CARD14: variants seen among roughly 807,000 people sequenced by gnomAD.
CARD14 encodes caspase recruitment domain family member 14, also known as caspase recruitment domain-containing protein 14.
A neutral mutation model predicts 111.5 loss-of-function variants in CARD14; 107 were observed. The ratio of observed to expected loss-of-function variants is 0.96; its 90% confidence interval spans 0.82 to 1.13. The LOEUF (loss-of-function observed/expected upper bound fraction) is 1.13. CARD14 is among the 50% of genes most tolerant of loss of function. The pLI is 0.00. For synonymous variants in CARD14, 617 were observed against 579.6 expected (o/e 1.06, Z -0.93); for missense variants, 1,322 against 1,362.3 (o/e 0.97, Z 0.47).
chr17:80,181,604 G>A lies in CARD14; in HGVS notation c.166G>A (p.Glu56Lys). The A allele has an allele frequency of 6.4e-7, 1 of 1,557,910 alleles. No individual in the cohort carries two copies. Among genetic ancestry groups the A allele is most frequent in the African/African-American group, 1.4e-5 (1 of 73,416 alleles). ...AKVLCQLDEEEVLHSPRLTNS... is the reference protein window; with the variant it reads ...AKVLCQLDEEKVLHSPRLTNS... ...GGTGCTGTGCCAGCTGGACGAGGAG[G>A]AGGTGCTGCACAGCCCCCGGCTCAC... is the stretch of plus-strand genomic sequence containing the variant. The change falls in exon 5 of 24, where the codon GAG (glutamate) becomes AAG (lysine). Residue 56 changes from glutamate (E) to lysine (K), a missense_variant. Coordinates refer to ENST00000648509, the MANE Select transcript of CARD14 (RefSeq NM_001366385.1).
At chr17:80,194,414 C>T (rs751212656) in intron 12 of CARD14, among the ~76,000 whole-genome samples, 16 of 152,220 alleles carry the variant, frequency 1.1e-4, no homozygotes, top group Non-Finnish European at 2.1e-4. Context: ...AGACCTACCC[C>T]ACACATCTGG....
chr17:80,182,863 C>T lies in CARD14; in HGVS notation c.349+73C>T, dbSNP rs543268620. ...AGGCTCCTGGTAACCCCAGGTGCCC[C>T]GCTTACTTGCCGATTTGCCCTACTC... On this transcript the variant is annotated intron_variant, in intron 6 of 23. Coordinates refer to ENST00000648509, the MANE Select transcript of CARD14 (RefSeq NM_001366385.1). This position sits in a 1 kb window ranked among gnomAD's most constrained non-coding sequence, Gnocchi z 4.7. The T allele has an allele frequency of 1.9e-5, 30 of 1,570,390 alleles. 1 individual carries two copies. The highest frequency in any genetic ancestry group is 1.4e-4 in the South Asian group (12 of 88,202).
intron 4 of CARD14, among the ~76,000 whole-genome samples, chr17:80,179,921 C>T (rs147034279): frequency 1.2e-3 from 185 of 152,292 alleles, no homozygotes; most frequent in African/African-American, 4.2e-3. Context: ...CCATCTGCCT[C>T]GCATTTCCTT....
chr17:80,183,772 TC>T, intron 6 of CARD14, 140 bp from the exon 7 acceptor site: 1 of 445,720 alleles, frequency 2.2e-6, no homozygotes, highest in Non-Finnish European at 3.7e-6. Flanking sequence ...GCCCACATGC[TC>T]ACCCGCCCAC....
chr17:80,172,869 A>ATTTTTTTTTTTTT (rs1265606234), intron 1 of CARD14, 37 bp from the exon 2 acceptor site: 1 of 94,464 alleles, frequency 1.1e-5, no homozygotes, highest in Non-Finnish European at 2.4e-5. Context: ...TATTCTAAAC[A>ATTTTTTTTTTTTT]TTCTTTTTTT....
At chr17:80,205,487 C>A in intron 21 of CARD14, 44 bp from the exon 22 acceptor site, 1 of 1,566,212 alleles carries the variant, frequency 6.4e-7, no homozygotes, top group East Asian at 2.4e-5. Context: ...CCCCAGACCC[C>A]CACACAGCTG....
intron 20 of CARD14, chr17:80,204,666 G>A: frequency 2.6e-6 from 1 of 386,152 alleles, no homozygotes; most frequent in Non-Finnish European, 4.7e-6. Flanking sequence ...CAGGACAGAG[G>A]GAGGGCTAGG....
intron 2 of CARD14, among the ~76,000 whole-genome samples, chr17:80,175,648 G>A (rs1037523679): frequency 1.3e-5 from 2 of 152,170 alleles, no homozygotes; most frequent in Admixed American, 6.5e-5. Context: ...CCCAGAGCAC[G>A]TGCTCCTGCC....
intron 2 of CARD14, among the ~76,000 whole-genome samples, chr17:80,176,795 G>A (rs185354428): frequency 1.2e-3 from 177 of 152,296 alleles, no homozygotes; most frequent in African/African-American, 4.2e-3. Context: ...CCTGAAGTGG[G>A]GCAGAGGATC....
At chr17:80,199,162 G>A (rs577380444) in intron 16 of CARD14, among the ~76,000 whole-genome samples, 13 of 152,044 alleles carry the variant, frequency 8.6e-5, no homozygotes, top group South Asian at 2.1e-4. Context: ...TTGTTGTTAC[G>A]AAACGCACAA....
rs1187440153 is a variant in CARD14 at position 80,198,185 on chromosome 17, C to T, written c.1658+23C>T. The T allele has an allele frequency of 6.2e-7, 1 of 1,613,028 alleles. No individual in the cohort carries two copies. Among genetic ancestry groups the T allele is most frequent in the Non-Finnish European group, 8.5e-7 (1 of 1,179,436 alleles). On this transcript the variant is annotated intron_variant, in intron 15 of 23. Coordinates refer to ENST00000648509, the MANE Select transcript of CARD14 (RefSeq NM_001366385.1). The surrounding 1 kb of genome is among the most constrained non-coding windows in gnomAD (Gnocchi z 7.5). ...GAGGTAAGCAGCAGGTGGGAATCCTCCGAGGCTGGCTGGGGAACCAGGGCC... is the reference window on the plus strand; with the variant it reads ...GAGGTAAGCAGCAGGTGGGAATCCTTCGAGGCTGGCTGGGGAACCAGGGCC...
chr17:80,184,956 G>A (rs2040296233), intron 7 of CARD14, among the ~76,000 whole-genome samples: 1 of 152,214 alleles, frequency 6.6e-6, no homozygotes, highest in Admixed American at 6.5e-5. Flanking sequence ...CTTTTCTTTG[G>A]GGAGGATGAT....
chr17:80,188,290 T>C lies in CARD14; in HGVS notation c.676-87T>C. On this transcript the variant is annotated intron_variant, in intron 7 of 23. Transcript: ENST00000648509. The surrounding 1 kb of genome is among the most constrained non-coding windows in gnomAD (Gnocchi z 4.5). ...GCCCCCTGAGTGCTAAAAGCATCAT[T>C]AGGAGGAAGGGTGAGAAATGCCCCC... 7.3e-7 allele frequency: 1 copy of C among 1,368,278 alleles called. No individual in the cohort carries two copies. Among genetic ancestry groups the C allele is most frequent in the Non-Finnish European group, 9.7e-7 (1 of 1,025,786 alleles). The allele number at this position is 1,368,278 out of a possible 1,614,324, so 84.8% of individuals were successfully genotyped here.
intron 7 of CARD14, among the ~76,000 whole-genome samples, chr17:80,187,366 G>A (rs983163199): frequency 1.3e-5 from 2 of 152,238 alleles, no homozygotes; most frequent in African/African-American, 4.8e-5. Context: ...GTGTTTGTGA[G>A]TCACTGTATC....
At position 80,203,561 on chromosome 17, in the gene CARD14, C is replaced by T. The variant is rs1396515705; in HGVS notation, c.2220-261C>T. 2.9e-5 allele frequency: 13 copies of T among 441,268 alleles called. No homozygotes were observed. In the Middle Eastern group the frequency reaches 1.7e-3, roughly 58 times the overall value. 27.3% of individuals were successfully genotyped at this position (441,268 alleles called of 1,614,324 possible). A position where few individuals can be genotyped will look rare whatever the true frequency, so the allele number is the denominator to read the frequency against. Reference sequence around the variant, plus strand: ...CCTGTACGCTGGCTGCTCAACAGCACCCCCTGGGTCCCGCCCCAGGACAAG... The same window carrying T: ...CCTGTACGCTGGCTGCTCAACAGCATCCCCTGGGTCCCGCCCCAGGACAAG... On this transcript the variant is annotated intron_variant, in intron 18 of 23. Coordinates refer to ENST00000648509, the MANE Select transcript of CARD14 (RefSeq NM_001366385.1). The surrounding 1 kb of genome is among the most constrained non-coding windows in gnomAD (Gnocchi z 4.6).
intron 12 of CARD14, 57 bp downstream of exon 12, chr17:80,192,676 G>C: frequency 4.5e-6 from 6 of 1,337,528 alleles, no homozygotes; most frequent in Non-Finnish European, 5.3e-6. Flanking sequence ...CAGCCCAGGG[G>C]CCTCTCTGTC....
intron 4 of CARD14, among the ~76,000 whole-genome samples, chr17:80,180,696 A>G (rs2040142988): frequency 6.6e-6 from 1 of 151,978 alleles, no homozygotes; most frequent in African/African-American, 2.4e-5. Context: ...ACCTTTCATA[A>G]AGAACTTATA....
Position 80,192,288 on chromosome 17 carries a change from G to A in CARD14, c.1240-215G>A, listed in dbSNP as rs575886933. Reference sequence around the variant, plus strand: ...TATTCTAAAAGAAATGAAATGCTGTGTGTCCAGCTGGTTTCTTTCAGTCTC... The same window carrying A: ...TATTCTAAAAGAAATGAAATGCTGTATGTCCAGCTGGTTTCTTTCAGTCTC... On this transcript the variant is annotated intron_variant, in intron 11 of 23. Coordinates refer to ENST00000648509, the MANE Select transcript of CARD14 (RefSeq NM_001366385.1). The A allele has an allele frequency of 5.0e-5, 25 of 500,982 alleles. No individual in the cohort carries two copies. The East Asian group carries it at 8.1e-4, about 16-fold the overall frequency. The allele number at this position is 500,982 out of a possible 1,614,324, so 31.0% of individuals were successfully genotyped here.
chr17:80,203,744 T>C lies in CARD14; in HGVS notation c.2220-78T>C, dbSNP rs2041118290. 2 of 1,124,350 alleles carry C rather than the reference T, an allele frequency of 1.8e-6. No individual in the cohort carries two copies. Among genetic ancestry groups the C allele is most frequent in the African/African-American group, 3.2e-5 (2 of 63,342 alleles). The allele number at this position is 1,124,350 out of a possible 1,614,324, so 69.6% of individuals were successfully genotyped here. On this transcript the variant is annotated intron_variant, in intron 18 of 23. Transcript: ENST00000648509. This position sits in a 1 kb window ranked among gnomAD's most constrained non-coding sequence, Gnocchi z 4.6. ...TCTCCCACCCGGCCATCTCCCCCAC[T>C]CTCCCCTGCTCGGCTCTCCCCTGCC...
Sources: gnomAD v4.1 joint callset for allele counts (sites outside exome capture counted in the v4.1 genomes callset) on GRCh38, gnomAD v4.1.1 for gene constraint, Gnocchi (gnomAD v3.1) non-coding constraint, MANE v1.5 for transcripts, NCBI Gene and HGNC (gene_info 2026-07-23, HGNC 2026-07-21) for gene names.